The following PLXDC2 variants were observed in gnomAD, a reference collection of about 807,000 sequenced individuals.
PLXDC2 encodes plexin domain containing 2.
In PLXDC2, 40 loss-of-function variants were observed where a neutral mutation model predicts 68.9. That is an observed-to-expected ratio of 0.58 (90% CI 0.45 to 0.76). The LOEUF (loss-of-function observed/expected upper bound fraction) is 0.76. Among genes scored for constraint, PLXDC2 ranks in the 30% least tolerant of loss-of-function variants. PLXDC2 has a pLI of 0.00. For missense variants in PLXDC2, 644 were observed against 661.9 expected (o/e 0.97, Z 0.30); for synonymous variants, 243 against 234.2 (o/e 1.04, Z -0.34).
At chr10:20,126,887 A>C (rs1244843938) in intron 4 of PLXDC2, among the ~76,000 whole-genome samples, 1 of 147,988 alleles carries the variant, frequency 6.8e-6, no homozygotes, top group African/African-American at 2.5e-5. Flanking sequence ...TATGATATAT[A>C]CTATATAATA....
intron 13 of PLXDC2, among the ~76,000 whole-genome samples, chr10:20,249,796 A>G (rs1835649666): frequency 6.6e-6 from 1 of 152,156 alleles, no homozygotes; most frequent in Admixed American, 6.5e-5. Context: ...TGTGAGATGC[A>G]TCACACGCTT....
chr10:19,962,550 C>T (rs562257585), intron 1 of PLXDC2, among the ~76,000 whole-genome samples: 6 of 149,242 alleles, frequency 4.0e-5, no homozygotes, highest in Admixed American at 4.0e-4. Context: ...GCCTCCACGC[C>T]CGGCTAATTT....
intron 12 of PLXDC2, among the ~76,000 whole-genome samples, chr10:20,223,533 G>C (rs1368289304): frequency 6.6e-6 from 1 of 151,764 alleles, no homozygotes; most frequent in East Asian, 1.9e-4. Flanking sequence ...GGCTGGTCTT[G>C]AACTCCTGAC....
intron 1 of PLXDC2, among the ~76,000 whole-genome samples, chr10:19,839,011 C>T (rs372310702): frequency 1.4e-4 from 22 of 151,864 alleles, no homozygotes; most frequent in East Asian, 1.2e-3. Context: ...CATGGTGAAA[C>T]CCCGTCTGTA....
chr10:20,271,998 A>T (rs1312596436), intron 13 of PLXDC2, among the ~76,000 whole-genome samples: 3 of 152,208 alleles, frequency 2.0e-5, no homozygotes, highest in Non-Finnish European at 4.4e-5. Context: ...TACTAATTTT[A>T]TCGGATGACT....
At chr10:19,882,995 C>T (rs1361987663) in intron 1 of PLXDC2, among the ~76,000 whole-genome samples, 3 of 136,684 alleles carry the variant, frequency 2.2e-5, no homozygotes, top group South Asian at 2.3e-4. Flanking sequence ...CTCACTTTGT[C>T]GCCCAGGCTG....
At chr10:20,197,270 T>A (rs1564350050) in intron 9 of PLXDC2, among the ~76,000 whole-genome samples, 1 of 152,220 alleles carries the variant, frequency 6.6e-6, no homozygotes, top group Non-Finnish European at 1.5e-5. Context: ...CAAAACCATT[T>A]ACCTAATGGC....
intron 1 of PLXDC2, among the ~76,000 whole-genome samples, chr10:19,860,336 G>T (rs1209633463): frequency 2.6e-5 from 4 of 152,176 alleles, no homozygotes; most frequent in Admixed American, 6.5e-5. Context: ...CAGTGTGCTT[G>T]CCATGGTACT....
intron 3 of PLXDC2, among the ~76,000 whole-genome samples, chr10:20,054,175 A>T (rs1486267010): frequency 6.6e-6 from 1 of 151,854 alleles, no homozygotes; most frequent in African/African-American, 2.4e-5. Context: ...GTTAGTGGTG[A>T]TTGTGCCCAA....
At chr10:20,041,172 C>T (rs1384761506) in intron 2 of PLXDC2, among the ~76,000 whole-genome samples, 1 of 152,142 alleles carries the variant, frequency 6.6e-6, no homozygotes, top group African/African-American at 2.4e-5. Context: ...GTACATTGAT[C>T]ACCCATTGGT....
At chr10:19,938,378 C>G (rs879332999) in intron 1 of PLXDC2, among the ~76,000 whole-genome samples, 15 of 152,164 alleles carry the variant, frequency 9.9e-5, no homozygotes, top group Middle Eastern at 3.2e-3. Flanking sequence ...TTCATTGACT[C>G]ATGGTTCTCC....
At chr10:20,008,901 C>A (rs1835067880) in intron 2 of PLXDC2, among the ~76,000 whole-genome samples, 1 of 152,220 alleles carries the variant, frequency 6.6e-6, no homozygotes, top group East Asian at 1.9e-4. Context: ...TCACCTTCTG[C>A]CGTGATTGTC....
At chr10:20,239,474 C>T (rs1296444671) in intron 12 of PLXDC2, among the ~76,000 whole-genome samples, 1 of 152,164 alleles carries the variant, frequency 6.6e-6, no homozygotes. Context: ...GAAAAGCAAG[C>T]ACCTTCTTCA....
intron 1 of PLXDC2, among the ~76,000 whole-genome samples, chr10:19,844,383 TGC>T (rs1395866096): frequency 6.6e-6 from 1 of 152,164 alleles, no homozygotes; most frequent in Non-Finnish European, 1.5e-5. Context: ...TTTTCCTGGA[TGC>T]TCACTGAAGT....
intron 4 of PLXDC2, among the ~76,000 whole-genome samples, chr10:20,126,000 C>G (rs891583849): frequency 6.8e-6 from 1 of 148,086 alleles, no homozygotes; most frequent in African/African-American, 2.5e-5. Context: ...TACACACAAC[C>G]TATTATACAA....
At chr10:20,228,630 G>A (rs1835318249) in intron 12 of PLXDC2, among the ~76,000 whole-genome samples, 2 of 150,302 alleles carry the variant, frequency 1.3e-5, no homozygotes, top group Admixed American at 6.7e-5. Context: ...AGGAAGGAAG[G>A]GCGGAAGGGA....
intron 1 of PLXDC2, among the ~76,000 whole-genome samples, chr10:19,898,082 T>A (rs1040777723): frequency 6.6e-6 from 1 of 152,176 alleles, no homozygotes; most frequent in Non-Finnish European, 1.5e-5. Context: ...GAAAAATAAA[T>A]AATATTATTT....
Position 20,082,070 on chromosome 10 carries a change from A to AAAAAC in PLXDC2, c.541+13835_541+13836insCAAAA, listed in dbSNP as rs1554765387. On this transcript the variant is annotated intron_variant, in intron 4 of 13. Coordinates refer to ENST00000377252, the MANE Select transcript of PLXDC2 (RefSeq NM_032812.9). The stretch of plus-strand genomic sequence containing the variant: ...GAAAAAAAAAAAAAAAAATCAAAAA[A>AAAAAC]AAAAAACAGGAGAAGTCTGAGAAAC... 4.0e-4 allele frequency among the ~76,000 whole-genome samples: 49 copies of AAAAAC among 121,982 alleles called. 6 individuals are homozygous for AAAAAC. The highest frequency in any genetic ancestry group is 3.9e-3 in the East Asian group (13 of 3,348). 80.0% of individuals were successfully genotyped at this position (121,982 alleles called of 152,430 possible). A position where few individuals can be genotyped will look rare whatever the true frequency, so the allele number is the denominator to read the frequency against.
At chr10:20,201,802 A>G (rs1312668539) in intron 9 of PLXDC2, among the ~76,000 whole-genome samples, 2 of 152,110 alleles carry the variant, frequency 1.3e-5, no homozygotes, top group African/African-American at 2.4e-5. Flanking sequence ...TGGACATGGG[A>G]AAATGCCTAG....
Sources: gnomAD v4.1 joint callset for allele counts (sites outside exome capture counted in the v4.1 genomes callset) on GRCh38, gnomAD v4.1.1 for gene constraint, MANE v1.5 for transcripts, NCBI Gene and HGNC (gene_info 2026-07-23, HGNC 2026-07-21) for gene names.